The following ADAMTS17 variants were observed in gnomAD, a reference collection of about 807,000 sequenced individuals.
ADAMTS17 encodes the protein A disintegrin and metalloproteinase with thrombospondin motifs 17.
Under a neutral mutation model 141.5 loss-of-function variants are expected in ADAMTS17, and 113 were observed. The ratio of observed to expected loss-of-function variants is 0.80; its 90% CI spans 0.69 to 0.93. ADAMTS17 has a LOEUF of 0.93. Ranked by LOEUF, ADAMTS17 falls within the 40% of genes least tolerant of loss-of-function variation. The pLI is 0.00. For synonymous variants in ADAMTS17, 768 were observed against 630.6 expected, an observed-to-expected ratio of 1.22 and a Z score of -3.27; for missense variants, 1,659 against 1,517.9, an observed-to-expected ratio of 1.09 and a Z score of -1.54.
intron 7 of ADAMTS17, among the ~76,000 whole-genome samples, chr15:100,235,383 G>A (rs1348320923): frequency 2.0e-5 from 3 of 151,920 alleles, no homozygotes; most frequent in African/African-American, 4.8e-5. Flanking sequence ...TGACCTCCCC[G>A]ACCACCCCAC....
chr15:100,004,913 A>AC (rs1414483191), intron 18 of ADAMTS17, among the ~76,000 whole-genome samples: 22 of 151,660 alleles, frequency 1.5e-4, no homozygotes, highest in African/African-American at 5.3e-4. Flanking sequence ...GAGCAACCAC[A>AC]CCCCGCTCAT....
chr15:100,207,193 G>GT (rs1226318899), intron 7 of ADAMTS17, among the ~76,000 whole-genome samples: 1 of 152,058 alleles, frequency 6.6e-6, no homozygotes, highest in Non-Finnish European at 1.5e-5. Context: ...GACACTAGAG[G>GT]TATTTCTCCC....
At position 99,996,131 on chromosome 15, in the gene ADAMTS17, T is replaced by C. The variant is rs181758869; in HGVS notation, c.2796+1254A>G. On this transcript the variant is annotated intron_variant, in intron 19 of 21. Coordinates refer to ENST00000268070, the MANE Select transcript of ADAMTS17 (RefSeq NM_139057.4). ...GTGCAATGGCGCAATCTCGGCTCAC[T>C]GCAACCTCTACCTCCCAGGTTCAAG... is the stretch of plus-strand genomic sequence containing the variant. Among the ~76,000 whole-genome samples, 559 of 151,678 alleles carry C rather than the reference T, an allele frequency of 3.7e-3. 3 individuals carry two copies. Among genetic ancestry groups the C allele is most frequent in the Non-Finnish European group, 6.8e-3 (463 of 67,938 alleles).
chr15:100,167,867 T>G (rs188407805), intron 8 of ADAMTS17, among the ~76,000 whole-genome samples: 3 of 152,330 alleles, frequency 2.0e-5, no homozygotes, highest in African/African-American at 7.2e-5. Flanking sequence ...ATGAAAGCAC[T>G]GAGCTCTTTT....
intron 15 of ADAMTS17, among the ~76,000 whole-genome samples, chr15:100,075,687 T>A (rs2034323017): frequency 6.6e-6 from 1 of 152,260 alleles, no homozygotes; most frequent in Non-Finnish European, 1.5e-5. Flanking sequence ...TGTACACATA[T>A]CTTTTTTCTG....
intron 18 of ADAMTS17, among the ~76,000 whole-genome samples, chr15:100,039,400 G>A (rs1350577783): frequency 1.3e-5 from 2 of 151,898 alleles, no homozygotes; most frequent in Admixed American, 6.6e-5. Context: ...TCCCCTTAAG[G>A]CCTGCTTTAG....
At chr15:100,049,170 G>C (rs1418569271) in intron 17 of ADAMTS17, among the ~76,000 whole-genome samples, 178 bp from the exon 18 acceptor site, 1 of 152,196 alleles carries the variant, frequency 6.6e-6, no homozygotes, top group Non-Finnish European at 1.5e-5. Context: ...GTAGGGAGGA[G>C]AGTACAAGAC....
At chr15:100,304,934 A>G (rs11247184) in intron 3 of ADAMTS17, among the ~76,000 whole-genome samples, 75,143 of 152,080 alleles carry the variant, frequency 0.49, 18,904 homozygotes, top group South Asian at 0.65. Flanking sequence ...AATAGTGAAT[A>G]TATTTTCTCT....
chr15:100,299,675 T>C (rs571949223), intron 3 of ADAMTS17, among the ~76,000 whole-genome samples: 2 of 152,056 alleles, frequency 1.3e-5, no homozygotes, highest in East Asian at 1.9e-4. Context: ...CTGGGAATGG[T>C]TTCTTTTGAC....
At chr15:100,230,014 C>T (rs1374377814) in intron 7 of ADAMTS17, among the ~76,000 whole-genome samples, 2 of 152,214 alleles carry the variant, frequency 1.3e-5, no homozygotes, top group Admixed American at 1.3e-4. Flanking sequence ...CTCCAACTCA[C>T]TCTGCCCCCA....
At chr15:100,300,619 C>T (rs1031635980) in intron 3 of ADAMTS17, among the ~76,000 whole-genome samples, 5 of 152,196 alleles carry the variant, frequency 3.3e-5, no homozygotes, top group Admixed American at 6.5e-5. Context: ...AGTAGAGAGG[C>T]GGAATTCCTT....
intron 8 of ADAMTS17, among the ~76,000 whole-genome samples, chr15:100,160,000 C>A (rs1433674598): frequency 6.6e-6 from 1 of 152,196 alleles, no homozygotes; most frequent in Non-Finnish European, 1.5e-5. Context: ...GTTGCACTTG[C>A]CTGGGTCACT....
chr15:100,229,804 C>G (rs1347167974), intron 7 of ADAMTS17, among the ~76,000 whole-genome samples: 1 of 152,176 alleles, frequency 6.6e-6, no homozygotes, highest in African/African-American at 2.4e-5. Flanking sequence ...ACAGAGAACG[C>G]AAGGGCAACT....
intron 7 of ADAMTS17, among the ~76,000 whole-genome samples, chr15:100,205,996 C>T (rs1221768084): frequency 2.0e-5 from 3 of 152,198 alleles, no homozygotes; most frequent in African/African-American, 7.2e-5. Flanking sequence ...GATCCCTGCT[C>T]CTCCCTCTGG....
chr15:100,035,438 C>T (rs930014186), intron 18 of ADAMTS17, among the ~76,000 whole-genome samples: 1 of 152,156 alleles, frequency 6.6e-6, no homozygotes, highest in Non-Finnish European at 1.5e-5. Context: ...ATCCTGGCCA[C>T]GACTTTGGTT....
intron 15 of ADAMTS17, among the ~76,000 whole-genome samples, chr15:100,072,736 C>T (rs1374019705): frequency 6.6e-6 from 1 of 152,144 alleles, no homozygotes; most frequent in Non-Finnish European, 1.5e-5. Flanking sequence ...CCCCTCCTTA[C>T]ACCTTATACA....
chr15:100,187,412 T>C (rs1399844468), intron 8 of ADAMTS17, among the ~76,000 whole-genome samples: 1 of 151,990 alleles, frequency 6.6e-6, no homozygotes, highest in Non-Finnish European at 1.5e-5. Flanking sequence ...TTTGTAGGAG[T>C]TGCTATAAAC....
At chr15:100,199,508 C>T (rs1163497636) in intron 7 of ADAMTS17, 85 bp from the exon 8 acceptor site, 2 of 1,124,384 alleles carry the variant, frequency 1.8e-6, no homozygotes, top group Non-Finnish European at 2.7e-6. Context: ...CAACGTCATG[C>T]ACAATCAAGG....
At position 99,971,801 on chromosome 15, in the gene ADAMTS17, T is replaced by G. The variant is rs778520282; in HGVS notation, c.*2601A>C. The G allele has an allele frequency of 6.6e-6, 1 of 152,064 alleles. No individual in the cohort carries two copies. The highest frequency in any genetic ancestry group is 1.5e-5 in the Non-Finnish European group (1 of 67,946). The allele number at this position is 152,064 out of a possible 1,614,324, so 9.4% of individuals were successfully genotyped here. On this transcript the variant is annotated 3_prime_UTR_variant, in exon 22 of 22. Coordinates refer to ENST00000268070, the MANE Select transcript of ADAMTS17 (RefSeq NM_139057.4). ...GTAACACGTGCGTTAGTGACACGTGTGCAAGCACAAAGGTACAGTACTCGA... is the reference window on the plus strand; with the variant it reads ...GTAACACGTGCGTTAGTGACACGTGGGCAAGCACAAAGGTACAGTACTCGA...
Sources: gnomAD v4.1 joint callset for allele counts (sites outside exome capture counted in the v4.1 genomes callset) on GRCh38, gnomAD v4.1.1 for gene constraint, MANE v1.5 for transcripts, NCBI Gene and HGNC (gene_info 2026-07-23, HGNC 2026-07-21) for gene names.